Variants in SYNJ2BP observed in about 807,000 individuals in gnomAD.
The protein encoded by SYNJ2BP is synaptojanin 2 binding protein, also known as synaptojanin-2-binding protein.
A neutral mutation model predicts 16.9 loss-of-function variants in SYNJ2BP; 10 were observed. The observed-to-expected ratio is 0.59, with a 90% CI of 0.36 to 1.00. SYNJ2BP has a LOEUF of 1.00. SYNJ2BP is among the 50% of genes least tolerant of loss of function. SYNJ2BP has a pLI of 0.01. For synonymous variants in SYNJ2BP, 54 were observed against 68.4 expected, an observed-to-expected ratio of 0.79 and a Z score of 1.04; for missense variants, 162 against 186.7, an observed-to-expected ratio of 0.87 and a Z score of 0.77.
At chr14:70,375,197 CTTTTTTTCTT>C (rs1887600532) in intron 3 of SYNJ2BP, among the ~76,000 whole-genome samples, 2 of 115,666 alleles carry the variant, frequency 1.7e-5, no homozygotes, top group African/African-American at 3.6e-5. Flanking sequence ...TTTTTTTTCT[CTTTTTTTCTT>C]TTTTTTTTTT....
At chr14:70,380,703 T>C (rs1766953019) in intron 2 of SYNJ2BP, among the ~76,000 whole-genome samples, 1 of 151,978 alleles carries the variant, frequency 6.6e-6, no homozygotes, top group Non-Finnish European at 1.5e-5. Context: ...ACAAGGTATT[T>C]ATATATTAAT....
intron 1 of SYNJ2BP, among the ~76,000 whole-genome samples, chr14:70,411,678 C>T (rs1187980294): frequency 1.3e-5 from 2 of 152,318 alleles, no homozygotes; most frequent in East Asian, 1.9e-4. Context: ...TAAAGCCTGT[C>T]CATTCCAGAA....
chr14:70,413,392 A>C (rs1344714810), intron 1 of SYNJ2BP, among the ~76,000 whole-genome samples: 6 of 152,204 alleles, frequency 3.9e-5, no homozygotes, highest in Admixed American at 3.9e-4. Flanking sequence ...TAATCCCAAA[A>C]CTTTGGGAGG....
At position 70,383,672 on chromosome 14, in the gene SYNJ2BP, G is replaced by A. The variant is rs765782281; in HGVS notation, c.201+4798C>T. Among the ~76,000 whole-genome samples, 4 of 152,168 alleles carry A rather than the reference G, an allele frequency of 2.6e-5. No individual in the cohort carries two copies. The East Asian group carries it at 7.7e-4, about 29-fold the overall frequency. ...TCATTTAGGCAGACACACAAGGAATGAGAAACTTAGTTCACTTTTCTAAAA... is the reference window on the plus strand; with the variant it reads ...TCATTTAGGCAGACACACAAGGAATAAGAAACTTAGTTCACTTTTCTAAAA... On this transcript the variant is annotated intron_variant, in intron 2 of 3. Coordinates refer to ENST00000256366, the MANE Select transcript of SYNJ2BP (RefSeq NM_018373.3).
chr14:70,378,563 A>G (rs1453399387), intron 2 of SYNJ2BP, among the ~76,000 whole-genome samples: 3 of 150,706 alleles, frequency 2.0e-5, no homozygotes, highest in African/African-American at 7.3e-5. Flanking sequence ...AAGTGCTGGG[A>G]TTATAGGTGT....
chr14:70,388,043 C>T lies in SYNJ2BP; in HGVS notation c.201+427G>A, dbSNP rs115690520. ...TGAGTCTGAAAAGGACACTTAACTC[C>T]AACCTTCCTTCTTTCTGTTTTGTGA... On this transcript the variant is annotated intron_variant, in intron 2 of 3. Transcript: ENST00000256366. 8.1e-3 allele frequency among the ~76,000 whole-genome samples: 1,227 copies of T among 152,196 alleles called. 12 individuals are homozygous for T. The highest frequency in any genetic ancestry group is 0.028 in the African/African-American group (1,145 of 41,516).
chr14:70,394,749 C>G (rs923974656), intron 1 of SYNJ2BP, among the ~76,000 whole-genome samples: 1 of 152,080 alleles, frequency 6.6e-6, no homozygotes, highest in Non-Finnish European at 1.5e-5. Flanking sequence ...ATGGCAGAAG[C>G]AACAGCTAAT....
chr14:70,370,742 T>C lies in SYNJ2BP; in HGVS notation c.*2249A>G, dbSNP rs1285067534. On this transcript the variant is annotated 3_prime_UTR_variant, in exon 4 of 4. Transcript: ENST00000256366. ...CAATACTTAGCCTGCTGATATACTT[T>C]TAACTTCTCACCTGTTTATGAATTC... 1 of 152,232 alleles carries C rather than the reference T, an allele frequency of 6.6e-6. No homozygotes were observed. The highest frequency in any genetic ancestry group is 2.4e-5 in the African/African-American group (1 of 41,462). The allele number at this position is 152,232 out of a possible 1,614,324, so 9.4% of individuals were successfully genotyped here.
At chr14:70,375,195 CTCTTTTTT>C (rs140332330) in intron 3 of SYNJ2BP, among the ~76,000 whole-genome samples, 10,406 of 144,374 alleles carry the variant, frequency 0.072, 368 homozygotes, top group Middle Eastern at 0.11. Flanking sequence ...TCTTTTTTTT[CTCTTTTTT>C]TCTTTTTTTT....
At chr14:70,412,624 A>AGTATATATACAGTATATATATGTATG (rs1286034212) in intron 1 of SYNJ2BP, among the ~76,000 whole-genome samples, 111 of 43,502 alleles carry the variant, frequency 2.6e-3, no homozygotes, top group Admixed American at 4.2e-3. Flanking sequence ...ATATATGTAT[A>AGTATATATACAGTATATATATGTATG]TATAGTAACT....
intron 2 of SYNJ2BP, among the ~76,000 whole-genome samples, chr14:70,383,736 T>C (rs1446525508): frequency 6.6e-6 from 1 of 152,122 alleles, no homozygotes; most frequent in Non-Finnish European, 1.5e-5. Flanking sequence ...AATGGTTTAT[T>C]CTAATAATAA....
At position 70,375,837 on chromosome 14, in the gene SYNJ2BP, A is replaced by C. The variant is rs551362145; in HGVS notation, c.202-66T>G. The C allele has an allele frequency of 6.0e-5, 96 of 1,590,884 alleles. No individual in the cohort carries two copies. The South Asian group carries it at 1.0e-3, about 17-fold the overall frequency. ...ATTAGAAGTCAACAATTTATTTTCA[A>C]ATGGCCAAACTTTAAATAACAAACT... On this transcript the variant is annotated intron_variant, in intron 2 of 3. Coordinates refer to ENST00000256366, the MANE Select transcript of SYNJ2BP (RefSeq NM_018373.3).
intron 1 of SYNJ2BP, among the ~76,000 whole-genome samples, chr14:70,407,146 C>T (rs556901915): frequency 6.2e-4 from 95 of 152,116 alleles, no homozygotes; most frequent in Non-Finnish European, 9.9e-4. Context: ...TGGCAAAAAC[C>T]GGCCAGGTGC....
chr14:70,373,191 C>G, intron 3 of SYNJ2BP, 60 bp from the exon 4 acceptor site: 2 of 1,596,978 alleles, frequency 1.3e-6, no homozygotes. Flanking sequence ...ACTGAAACGC[C>G]CAGGTTGATA....
At chr14:70,385,350 TTTTTATTTTA>T (rs144302527) in intron 2 of SYNJ2BP, among the ~76,000 whole-genome samples, 7 of 151,830 alleles carry the variant, frequency 4.6e-5, no homozygotes, top group African/African-American at 1.2e-4. Context: ...TCTTATTTTA[TTTTTATTTTA>T]TTTTATTTTA....
At chr14:70,384,768 CA>C (rs1377304609) in intron 2 of SYNJ2BP, among the ~76,000 whole-genome samples, 2 of 152,178 alleles carry the variant, frequency 1.3e-5, no homozygotes, top group Non-Finnish European at 2.9e-5. Context: ...ACCTTAAAAA[CA>C]TGATTTTAAG....
chr14:70,404,252 A>T (rs1430768665), intron 1 of SYNJ2BP, among the ~76,000 whole-genome samples: 1 of 152,186 alleles, frequency 6.6e-6, no homozygotes, highest in East Asian at 1.9e-4. Context: ...ACTCTACTCC[A>T]GCCTAGGTGA....
chr14:70,404,600 G>A (rs1367563565), intron 1 of SYNJ2BP, among the ~76,000 whole-genome samples: 2 of 152,114 alleles, frequency 1.3e-5, no homozygotes, highest in Admixed American at 6.6e-5. Context: ...ACAAATACTG[G>A]TATAAAACTG....
At chr14:70,409,197 G>A (rs1175629590) in intron 1 of SYNJ2BP, among the ~76,000 whole-genome samples, 1 of 152,216 alleles carries the variant, frequency 6.6e-6, no homozygotes, top group Non-Finnish European at 1.5e-5. Context: ...TTACAGGCAA[G>A]AGCCACAATG....
Sources: gnomAD v4.1 joint callset for allele counts (sites outside exome capture counted in the v4.1 genomes callset) on GRCh38, gnomAD v4.1.1 for gene constraint, MANE v1.5 for transcripts, NCBI Gene and HGNC (gene_info 2026-07-23, HGNC 2026-07-21) for gene names.